The following MRE11 variants were observed in gnomAD, a reference collection of about 807,000 sequenced individuals.
MRE11 encodes double-strand break repair protein MRE11.
MRE11 carries 62 observed loss-of-function variants against 91.7 expected under a neutral mutation model. That is an observed-to-expected ratio of 0.68 (90% CI 0.55 to 0.84). MRE11 has a LOEUF of 0.84. MRE11 is among the 40% of genes least tolerant of loss of function. The probability of loss-of-function intolerance (pLI) is 0.00; values close to 1 mark genes in which losing one functional copy is unlikely to be tolerated. For missense variants in MRE11, 796 were observed against 852.9 expected, an observed-to-expected ratio of 0.93 and a Z score of 0.83; for synonymous variants, 273 against 271.4, an observed-to-expected ratio of 1.01 and a Z score of -0.06.
At chr11:94,479,280 C>A (rs10501815) in intron 5 of MRE11, among the ~76,000 whole-genome samples, 11,985 of 152,140 alleles carry the variant, frequency 0.079, 586 homozygotes, top group South Asian at 0.18. Context: ...TCTAGTCTTA[C>A]TTCCATATCA....
chr11:94,496,576 C>G, upstream of MRE11: 1 of 920,378 alleles, frequency 1.1e-6, no homozygotes, highest in East Asian at 2.5e-5. Flanking sequence ...TATTGTTTTA[C>G]TAATAACTTT....
intron 9 of MRE11, among the ~76,000 whole-genome samples, 176 bp downstream of exon 9, chr11:94,470,295 T>TA (rs903518036): frequency 8.1e-5 from 12 of 147,554 alleles, no homozygotes; most frequent in South Asian, 2.1e-4. Context: ...CTCAATGACT[T>TA]AAAAAAAAAA....
chr11:94,494,624 TATC>T (rs999856416), upstream of MRE11, among the ~76,000 whole-genome samples: 20 of 152,302 alleles, frequency 1.3e-4, no homozygotes, highest in African/African-American at 4.3e-4. Flanking sequence ...ATATCAGGAA[TATC>T]ATCATCAAGT....
chr11:94,497,099 G>A (rs1458133155), upstream of MRE11: 11 of 1,036,292 alleles, frequency 1.1e-5, no homozygotes, highest in Non-Finnish European at 1.6e-5. Flanking sequence ...CACATATTAA[G>A]CTGCAAAGTG....
chr11:94,428,576 C>CT (rs1212837352), intron 19 of MRE11, among the ~76,000 whole-genome samples: 1 of 152,056 alleles, frequency 6.6e-6, no homozygotes, highest in East Asian at 1.9e-4. Flanking sequence ...CACAGTAAAA[C>CT]TATCAGGCTG....
At chr11:94,500,440 G>A in the MRE11 span, among the ~76,000 whole-genome samples, 8 of 152,270 alleles carry the variant, frequency 5.3e-5, no homozygotes, top group South Asian at 1.7e-3. Context: ...AGACTGCTCT[G>A]TGCACAGAAG....
At chr11:94,432,345 CT>C (rs565872570) in intron 18 of MRE11, among the ~76,000 whole-genome samples, 553 of 152,302 alleles carry the variant, frequency 3.6e-3, no homozygotes, top group Non-Finnish European at 6.4e-3. Context: ...TTTCTCATGT[CT>C]TTATTGTTTT....
intron 4 of MRE11, among the ~76,000 whole-genome samples, chr11:94,484,521 G>A (rs1208482537): frequency 6.6e-6 from 1 of 152,170 alleles, no homozygotes; most frequent in Non-Finnish European, 1.5e-5. Context: ...CCTGCCCTTT[G>A]AGAGTAAGCT....
intron 7 of MRE11, among the ~76,000 whole-genome samples, chr11:94,474,768 G>A (rs1193234881): frequency 1.3e-5 from 2 of 152,044 alleles, no homozygotes; most frequent in Non-Finnish European, 2.9e-5. Flanking sequence ...ACATCATATG[G>A]TGACTACCCA....
At position 94,417,514 on chromosome 11, in the gene MRE11, C is replaced by T. The variant is rs1480856899; in HGVS notation, c.*2611G>A. On this transcript the variant is annotated 3_prime_UTR_variant, in exon 20 of 20. Coordinates refer to ENST00000323929, the MANE Select transcript of MRE11 (RefSeq NM_005591.4). ...ATATGTTCTAAGTTTATTGCAACTA[C>T]ACTAACTTCGTAATTTTAGATTTGC... The T allele has an allele frequency of 4.3e-6, 1 of 232,900 alleles. No individual in the cohort carries two copies. The highest frequency in any genetic ancestry group is 8.5e-6 in the Non-Finnish European group (1 of 117,934). The allele number at this position is 232,900 out of a possible 1,614,324, so 14.4% of individuals were successfully genotyped here.
chr11:94,452,196 C>CAAA (rs35238737), intron 14 of MRE11, among the ~76,000 whole-genome samples: 16 of 94,520 alleles, frequency 1.7e-4, no homozygotes, highest in Middle Eastern at 5.8e-3. Context: ...GACTTTGCCT[C>CAAA]AAAAAAAAAA....
the MRE11 span, among the ~76,000 whole-genome samples, chr11:94,501,939 A>G: frequency 6.6e-6 from 1 of 152,136 alleles, no homozygotes; most frequent in Non-Finnish European, 1.5e-5. Flanking sequence ...TTTTTTTAAA[A>G]AGCTATGTGT....
the MRE11 span, among the ~76,000 whole-genome samples, chr11:94,505,632 T>C: frequency 6.6e-6 from 1 of 152,208 alleles, no homozygotes; most frequent in South Asian, 2.1e-4. Context: ...TAATTTATTA[T>C]TGAAGAAAGA....
chr11:94,473,092 A>G (rs995860381), intron 7 of MRE11: 1 of 152,152 alleles, frequency 6.6e-6, no homozygotes, highest in Non-Finnish European at 1.5e-5. Context: ...AGTCCTAAGC[A>G]GTAGAAGAGC....
chr11:94,457,446 T>C (rs559103602), intron 13 of MRE11, among the ~76,000 whole-genome samples: 14 of 152,342 alleles, frequency 9.2e-5, no homozygotes, highest in African/African-American at 3.4e-4. Context: ...GAGAGTTTTG[T>C]TTGTTTCTTA....
At chr11:94,420,236 A>T in intron 19 of MRE11, 55 bp from the exon 20 acceptor site, 1 of 1,424,906 alleles carries the variant, frequency 7.0e-7, no homozygotes, top group South Asian at 1.1e-5. Flanking sequence ...CACTGAAACA[A>T]GACAGAAGTT....
In MRE11 at chr11:94,419,878, G is replaced by T. The variant is rs1945122225; in HGVS notation, c.*247C>A. Reference sequence around the variant, plus strand: ...TGACATAGTTTTTCATTATGAAATAGAAATGTAAAATGGTAGCTTTATTTT... The same window carrying T: ...TGACATAGTTTTTCATTATGAAATATAAATGTAAAATGGTAGCTTTATTTT... On this transcript the variant is annotated 3_prime_UTR_variant, in exon 20 of 20. Coordinates refer to ENST00000323929, the MANE Select transcript of MRE11 (RefSeq NM_005591.4). 3 of 300,884 alleles carry T rather than the reference G, an allele frequency of 1.0e-5. No individual in the cohort carries two copies. The South Asian group carries it at 2.7e-4, about 27-fold the overall frequency. 18.6% of individuals were successfully genotyped at this position (300,884 alleles called of 1,614,324 possible).
At chr11:94,496,596 G>A, upstream of MRE11, 1 of 1,141,490 alleles carries the variant, frequency 8.8e-7, no homozygotes, top group Non-Finnish European at 1.2e-6. Context: ...TTGTATTTGT[G>A]TTTTCAGATC....
intron 14 of MRE11, 108 bp from the exon 15 acceptor site, chr11:94,447,546 G>A (rs1370124927): frequency 1.7e-6 from 2 of 1,143,408 alleles, no homozygotes; most frequent in Admixed American, 1.9e-5. Flanking sequence ...AAACATAAAG[G>A]AGGCTGACAC....
Sources: gnomAD v4.1 joint callset for allele counts (sites outside exome capture counted in the v4.1 genomes callset) on GRCh38, gnomAD v4.1.1 for gene constraint, MANE v1.5 for transcripts, NCBI Gene and HGNC (gene_info 2026-07-23, HGNC 2026-07-21) for gene names.